KCNAB3: variants seen among roughly 807,000 people sequenced by gnomAD.
KCNAB3 encodes potassium voltage-gated channel subfamily A regulatory beta subunit 3.
Under a neutral mutation model 67.7 loss-of-function variants are expected in KCNAB3, and 62 were observed. The ratio of observed to expected loss-of-function variants is 0.92; its 90% CI spans 0.75 to 1.13. The LOEUF (loss-of-function observed/expected upper bound fraction) is 1.13. Among genes scored for constraint, KCNAB3 ranks in the 50% most tolerant of loss-of-function variants. The probability of loss-of-function intolerance (pLI) is 0.00; values close to 1 mark genes in which losing one functional copy is unlikely to be tolerated. For missense variants in KCNAB3, 514 were observed against 522.9 expected, an observed-to-expected ratio of 0.98 and a Z score of 0.17; for synonymous variants, 212 against 205.4, an observed-to-expected ratio of 1.03 and a Z score of -0.27.
At chr17:7,924,993 G>T in intron 8 of KCNAB3, 104 bp downstream of exon 8, 1 of 1,008,610 alleles carries the variant, frequency 9.9e-7, no homozygotes, top group Non-Finnish European at 1.5e-6. Context: ...TGATCCTCCT[G>T]CCTTGGCCTC....
chr17:7,924,965 C>T (rs964092869), intron 8 of KCNAB3, 132 bp downstream of exon 8: 44 of 773,658 alleles, frequency 5.7e-5, no homozygotes, highest in African/African-American at 5.5e-4. Context: ...AGACTGTTCT[C>T]GAACTCCAGG....
Position 7,923,749 on chromosome 17 carries a change from G to A in KCNAB3, c.1010C>T (p.Ala337Val), listed in dbSNP as rs780993220. Residue 337 changes from alanine to valine, a missense_variant, in exon 12 of 14, where the codon GCT becomes GTT. By Grantham distance (64) the Ala-to-Val change is moderately conservative. Coordinates refer to ENST00000303790, the MANE Select transcript of KCNAB3 (RefSeq NM_004732.4). ...QAKVMDLLPVAHQLGCTVAQL... is the reference protein window; with the variant it reads ...QAKVMDLLPVVHQLGCTVAQL... ...GGCCACGGTGCAGCCCAGCTGGTGA[G>A]CGACAGGAAGAAGGTCCATGACTTT... The A allele has an allele frequency of 4.5e-6, 7 of 1,572,918 alleles. No homozygotes were observed. Among genetic ancestry groups the A allele is most frequent in the Admixed American group, 3.7e-5 (2 of 53,638 alleles).
Position 7,929,436 on chromosome 17 carries a change from G to C in KCNAB3, c.-1C>G, listed in dbSNP as rs779672372. The C allele has an allele frequency of 1.4e-4, 219 of 1,547,392 alleles. No individual in the cohort carries two copies. Among genetic ancestry groups the C allele is most frequent in the Middle Eastern group, 8.6e-4 (4 of 4,668 alleles). On this transcript the variant is annotated 5_prime_UTR_variant, in exon 1 of 14. Coordinates refer to ENST00000303790, the MANE Select transcript of KCNAB3 (RefSeq NM_004732.4). The surrounding 1 kb of genome is among the most constrained non-coding windows in gnomAD (Gnocchi z 5.7). ...CGGTACACGCGATAGACACCTGCAT[G>C]CTGGCTGGCCGAGGCGGGGGAGGGG...
At position 7,923,002 on chromosome 17, in the gene KCNAB3, G is replaced by A; in HGVS notation, c.*100C>T. Reference sequence around the variant, plus strand: ...GGTGGGCGGGGCTAGTCTGGCTCCGGCCGCTGCGTGGAGGGATCCGGAGCG... The same window carrying A: ...GGTGGGCGGGGCTAGTCTGGCTCCGACCGCTGCGTGGAGGGATCCGGAGCG... On this transcript the variant is annotated 3_prime_UTR_variant, in exon 14 of 14. Transcript: ENST00000303790. 1.7e-6 allele frequency: 2 copies of A among 1,152,202 alleles called. No homozygotes were observed. Among genetic ancestry groups the A allele is most frequent in the Non-Finnish European group, 2.6e-6 (2 of 765,432 alleles). The allele number at this position is 1,152,202 out of a possible 1,614,324, so 71.4% of individuals were successfully genotyped here.
At chr17:7,927,964 A>G in intron 1 of KCNAB3, 138 bp from the exon 2 acceptor site, 1 of 958,234 alleles carries the variant, frequency 1.0e-6, no homozygotes, top group Non-Finnish European at 1.7e-6. Context: ...TGGGCCTATA[A>G]GATTGGGCAA....
chr17:7,929,835 G>GAAT lies in KCNAB3; in HGVS notation c.-401_-400insATT. The GAAT allele has an allele frequency of 9.7e-7, 1 of 1,029,900 alleles. No homozygotes were observed. 63.8% of individuals were successfully genotyped at this position (1,029,900 alleles called of 1,614,324 possible). ...TGCGGGACCCGCTGGGCTCCCAGCC[G>GAAT]CGTCGGCAGCGGGCCCAGCTCATCA... On this transcript the variant is annotated 5_prime_UTR_variant, in exon 1 of 14. Transcript: ENST00000303790. The surrounding 1 kb of genome is among the most constrained non-coding windows in gnomAD (Gnocchi z 5.7).
At chr17:7,928,895 C>T (rs963406373) in intron 1 of KCNAB3, among the ~76,000 whole-genome samples, 4 of 152,112 alleles carry the variant, frequency 2.6e-5, no homozygotes, top group African/African-American at 7.2e-5. Context: ...CCTGGAGATC[C>T]GTGTAGCGTG....
Position 7,923,091 on chromosome 17 carries a change from C to T in KCNAB3, c.*11G>A. The T allele has an allele frequency of 6.2e-7, 1 of 1,613,882 alleles. No homozygotes were observed. The highest frequency in any genetic ancestry group is 8.5e-7 in the Non-Finnish European group (1 of 1,179,778). On this transcript the variant is annotated 3_prime_UTR_variant, in exon 14 of 14. Transcript: ENST00000303790. The stretch of plus-strand genomic sequence containing the variant: ...AGCGACACCGGGTTGGGTCCCTGCG[C>T]CCGCGACAGACTACTTCTTGGAATG...
chr17:7,927,854 G>A (rs1340253862), intron 1 of KCNAB3, 28 bp from the exon 2 acceptor site: 4 of 1,613,306 alleles, frequency 2.5e-6, no homozygotes, highest in Admixed American at 3.3e-5. Flanking sequence ...AGCGGGAAGG[G>A]GTGGAGCCTC....
At position 7,923,709 on chromosome 17, in the gene KCNAB3, A is replaced by T. The variant is rs1430077016; in HGVS notation, c.1048+2T>A. 9 of 1,558,424 alleles carry T rather than the reference A, an allele frequency of 5.8e-6. No homozygotes were observed. The highest frequency in any genetic ancestry group is 1.4e-5 in the African/African-American group (1 of 73,498). Reference sequence around the variant, plus strand: ...GGGCCCCTGCAGGGTGCAATGTCTCACCAATAGCAAGCTGGGCCACGGTGC... The same window carrying T: ...GGGCCCCTGCAGGGTGCAATGTCTCTCCAATAGCAAGCTGGGCCACGGTGC... On this transcript the variant is annotated splice_donor_variant, in intron 12 of 13. Coordinates refer to ENST00000303790, the MANE Select transcript of KCNAB3 (RefSeq NM_004732.4). LOFTEE classifies it high-confidence loss of function.
At chr17:7,924,813 GCTCA>G in intron 8 of KCNAB3, 1 of 720,150 alleles carries the variant, frequency 1.4e-6, no homozygotes, top group Non-Finnish European at 2.1e-6. Flanking sequence ...TGCAATCATA[GCTCA>G]CTGTGGCCTC....
At position 7,921,873 on chromosome 17, in the gene KCNAB3, C is replaced by G. The variant is rs889854773; in HGVS notation, c.*1229G>C. ...CAAGGAACAAGTATGGCTAATATTA[C>G]TTTAAATACAAACAAATAAAGGCAG... On this transcript the variant is annotated 3_prime_UTR_variant, in exon 14 of 14. Coordinates refer to ENST00000303790, the MANE Select transcript of KCNAB3 (RefSeq NM_004732.4). 6 of 152,114 alleles carry G rather than the reference C, an allele frequency of 3.9e-5. No homozygotes were observed. The highest frequency in any genetic ancestry group is 1.4e-4 in the African/African-American group (6 of 41,396). 9.4% of individuals were successfully genotyped at this position (152,114 alleles called of 1,614,324 possible).
chr17:7,926,062 C>G lies in KCNAB3; in HGVS notation c.446G>C (p.Trp149Ser). ...TLGNILKSKGWRRSSYVITTK... is the reference protein window; with the variant it reads ...TLGNILKSKGSRRSSYVITTK... ...CAACCCCCCAAAACAGTCTCACCTC[C>G]AACCTTTGCTCTTGAGGATGTTCCC... is the stretch of plus-strand genomic sequence containing the variant. Residue 149 changes from tryptophan to serine, a missense_variant, in exon 5 of 14, where the codon TGG becomes TCG. Physicochemically the swap from Trp to Ser is radical, Grantham distance 177 (BLOSUM62 -3). Transcript: ENST00000303790. 6.2e-7 allele frequency: 1 copy of G among 1,614,162 alleles called. No homozygotes were observed. Among genetic ancestry groups the G allele is most frequent in the Non-Finnish European group, 8.5e-7 (1 of 1,180,038 alleles).
intron 8 of KCNAB3, 39 bp from the exon 9 acceptor site, chr17:7,924,539 C>A (rs781582229): frequency 2.5e-6 from 4 of 1,573,978 alleles, no homozygotes; most frequent in Non-Finnish European, 3.5e-6. Context: ...CTGTCAGAGC[C>A]CTGGAATCTA....
In KCNAB3 at chr17:7,922,916, C is replaced by T. The variant is rs1972081483; in HGVS notation, c.*186G>A. The T allele has an allele frequency of 3.3e-6, 2 of 610,416 alleles. No homozygotes were observed. The highest frequency in any genetic ancestry group is 5.9e-6 in the Non-Finnish European group (2 of 338,842). 37.8% of individuals were successfully genotyped at this position (610,416 alleles called of 1,614,324 possible). A position where few individuals can be genotyped will look rare whatever the true frequency, so the allele number is the denominator to read the frequency against. On this transcript the variant is annotated 3_prime_UTR_variant, in exon 14 of 14. Transcript: ENST00000303790. ...GCGGGCGTGCTACTTTCTCTCTCGA[C>T]CCCACTGCAAAAGGATATGGCTTTG...
rs377750813 is a variant in KCNAB3, at chr17:7,929,319, C to G, written c.117G>C (p.Gly39=). 7 of 1,554,150 alleles carry G rather than the reference C, an allele frequency of 4.5e-6. No individual in the cohort carries two copies. The highest frequency in any genetic ancestry group is 6.1e-6 in the Non-Finnish European group (7 of 1,149,478). The part of the protein sequence containing the change: ...GGGNGGPAGG[G]HGNPPGGGGS... ...CTCCACCCCCCGGAGGATTCCCGTG[C>G]CCCCCGCCGGCCGGCCCACCATTAC... Residue 39 remains glycine (G), a synonymous_variant, in exon 1 of 14, where the codon GGG becomes GGC. Coordinates refer to ENST00000303790, the MANE Select transcript of KCNAB3 (RefSeq NM_004732.4). This position sits in a 1 kb window ranked among gnomAD's most constrained non-coding sequence, Gnocchi z 5.7.
Position 7,923,130 on chromosome 17 carries a change from A to G in KCNAB3, c.1187T>C (p.Leu396Pro). Residue 396 changes from leucine (L) to proline (P), a missense_variant, in exon 14 of 14, where the codon CTG (leucine) becomes CCG (proline). Coordinates refer to ENST00000303790, the MANE Select transcript of KCNAB3 (RefSeq NM_004732.4). ...CTTCTTGGAATGCGGCTTGTTTCCC[A>G]GGAGCCCGTCTATTTCCATCACTGT... ...PQTVMEIDGL[L>P]GNKPHSKK 1 of 1,614,126 alleles carries G rather than the reference A, an allele frequency of 6.2e-7. No individual in the cohort carries two copies. Among genetic ancestry groups the G allele is most frequent in the Non-Finnish European group, 8.5e-7 (1 of 1,180,018 alleles).
At chr17:7,926,308 T>C (rs1972229196) in intron 4 of KCNAB3, among the ~76,000 whole-genome samples, 1 of 152,164 alleles carries the variant, frequency 6.6e-6, no homozygotes, top group Non-Finnish European at 1.5e-5. Context: ...TCAACAAATA[T>C]CTGTTGTGCA....
chr17:7,928,098 G>A (rs1972296918), intron 1 of KCNAB3: 4 of 574,324 alleles, frequency 7.0e-6, no homozygotes, highest in Non-Finnish European at 1.2e-5. Context: ...AAGACGTGCA[G>A]TCTGGTTTGT....
Sources: allele counts gnomAD v4.1 joint callset (sites outside exome capture counted in the v4.1 genomes callset), GRCh38; gene constraint gnomAD v4.1.1; non-coding constraint Gnocchi (gnomAD v3.1); transcripts MANE v1.5; gene names NCBI Gene and HGNC (gene_info 2026-07-23, HGNC 2026-07-21).